Variants in ZSWIM9 observed in about 807,000 individuals in gnomAD.
The protein encoded by ZSWIM9 is uncharacterized protein ZSWIM9.
In ZSWIM9, 11 loss-of-function variants were observed where a neutral mutation model predicts 25.0. The ratio of observed to expected loss-of-function variants is 0.44; its 90% CI spans 0.28 to 0.73. The LOEUF is 0.73. Among genes scored for constraint, ZSWIM9 ranks in the 30% least tolerant of loss-of-function variants. The probability of loss-of-function intolerance (pLI) is 0.16; values close to 1 mark genes in which losing one functional copy is unlikely to be tolerated. For synonymous variants in ZSWIM9, 562 were observed against 582.1 expected (o/e 0.97, Z 0.50); for missense variants, 1,070 against 1,296.5 (o/e 0.83, Z 2.68).
intron 3 of ZSWIM9, among the ~76,000 whole-genome samples, chr19:48,187,234 A>C (rs1202968222): frequency 6.8e-6 from 1 of 147,690 alleles, no homozygotes; most frequent in Non-Finnish European, 1.5e-5. Context: ...AAAAGATGTA[A>C]TTGAGGTTCA....
intron 2 of ZSWIM9, among the ~76,000 whole-genome samples, chr19:48,177,530 G>A (rs1396797870): frequency 6.6e-6 from 1 of 152,188 alleles, no homozygotes; most frequent in African/African-American, 2.4e-5. Flanking sequence ...GACAGGTGGA[G>A]AGAAATTGGA....
rs1219439826 is a variant in ZSWIM9 at position 48,195,639 on chromosome 19, G to A, written c.1575G>A (p.Gly525=). Residue 525 remains glycine (G), a synonymous_variant, in exon 4 of 4, where the codon GGG becomes GGA. Transcript: ENST00000614654. The surrounding 1 kb of genome is among the most constrained non-coding windows in gnomAD (Gnocchi z 5.8). The stretch of plus-strand genomic sequence containing the variant: ...CACTGCAGATCAGAGATTGGAGAGG[G>A]GGTCGGTTGGAGAATCAGAAGCCGA... The part of the protein sequence containing the change: ...GRALQIRDWR[G]GRLENQKPRG... 1.1e-5 allele frequency: 15 copies of A among 1,425,354 alleles called. No individual in the cohort carries two copies. Among genetic ancestry groups the A allele is most frequent in the Non-Finnish European group, 1.4e-5 (15 of 1,096,202 alleles). The allele number at this position is 1,425,354 out of a possible 1,614,324, so 88.3% of individuals were successfully genotyped here.
At position 48,195,978 on chromosome 19, in the gene ZSWIM9, G is replaced by T; in HGVS notation, c.1914G>T (p.Gly638=). The change falls in exon 4 of 4, where the codon GGG becomes GGT. Residue 638 remains glycine, a synonymous_variant. Coordinates refer to ENST00000614654, the MANE Select transcript of ZSWIM9 (RefSeq NM_199341.4). This position sits in a 1 kb window ranked among gnomAD's most constrained non-coding sequence, Gnocchi z 5.8. ...RGAQLHDERA[G]GLRTAEWKGP... ...CGCAGCTGCACGATGAAAGGGCAGG[G>T]GGACTGAGAACTGCAGAATGGAAGG... The T allele has an allele frequency of 7.6e-7, 1 of 1,312,058 alleles. No homozygotes were observed. Among genetic ancestry groups the T allele is most frequent in the Non-Finnish European group, 9.7e-7 (1 of 1,034,612 alleles). The allele number at this position is 1,312,058 out of a possible 1,614,324, so 81.3% of individuals were successfully genotyped here. A position where few individuals can be genotyped will look rare whatever the true frequency, so the allele number is the denominator to read the frequency against.
intron 3 of ZSWIM9, among the ~76,000 whole-genome samples, chr19:48,192,664 G>A (rs1233808897): frequency 6.6e-6 from 1 of 150,782 alleles, no homozygotes; most frequent in Non-Finnish European, 1.5e-5. Flanking sequence ...TTAGCGCAGT[G>A]GCCTTGGGCA....
intron 3 of ZSWIM9, among the ~76,000 whole-genome samples, chr19:48,183,562 A>G (rs1313538819): frequency 6.6e-6 from 1 of 152,098 alleles, no homozygotes; most frequent in African/African-American, 2.4e-5. Flanking sequence ...AATATGATGT[A>G]ACATCACTAG....
chr19:48,171,410 T>C, intron 1 of ZSWIM9: 1 of 984,222 alleles, frequency 1.0e-6, no homozygotes, highest in Non-Finnish European at 1.2e-6. Context: ...GAGACACAGC[T>C]GGAAGGGGAG....
intron 3 of ZSWIM9, among the ~76,000 whole-genome samples, chr19:48,188,670 C>T (rs936078098): frequency 2.6e-5 from 4 of 152,116 alleles, no homozygotes; most frequent in African/African-American, 9.7e-5. Context: ...AACGTTGCAG[C>T]GTTCTCTTAC....
In ZSWIM9 at chr19:48,194,102, A is replaced by T. The variant is rs1449043379; in HGVS notation, c.589-551A>T. Among the ~76,000 whole-genome samples the T allele has an allele frequency of 6.6e-6, 1 of 152,154 alleles. No individual in the cohort carries two copies. Among genetic ancestry groups the T allele is most frequent in the Non-Finnish European group, 1.5e-5 (1 of 68,024 alleles). Reference sequence around the variant, plus strand: ...TGGGGGTGGGACTCAAAGCTAAATGATCTGCCTCCACAATCTAAGCTCATT... The same window carrying T: ...TGGGGGTGGGACTCAAAGCTAAATGTTCTGCCTCCACAATCTAAGCTCATT... On this transcript the variant is annotated intron_variant, in intron 3 of 3. Transcript: ENST00000614654. This position sits in a 1 kb window ranked among gnomAD's most constrained non-coding sequence, Gnocchi z 6.0.
Position 48,195,003 on chromosome 19 carries a change from C to T in ZSWIM9, c.939C>T (p.Arg313=). Reference sequence around the variant, plus strand: ...TGCGCCAGCTGCTGCCCTGCGCGCGCGTGCAGATCTGCCGCGCGCAGGGCC... The same window carrying T: ...TGCGCCAGCTGCTGCCCTGCGCGCGTGTGCAGATCTGCCGCGCGCAGGGCC... ...PAVRQLLPCA[R]VQICRAQGLE... Residue 313 remains arginine (R), a synonymous_variant, in exon 4 of 4, where the codon CGC becomes CGT. Transcript: ENST00000614654. This position sits in a 1 kb window ranked among gnomAD's most constrained non-coding sequence, Gnocchi z 5.8. 2 of 1,349,584 alleles carry T rather than the reference C, an allele frequency of 1.5e-6. No homozygotes were observed. The highest frequency in any genetic ancestry group is 3.1e-5 in the South Asian group (2 of 64,450). 83.6% of individuals were successfully genotyped at this position (1,349,584 alleles called of 1,614,324 possible).
chr19:48,191,092 A>ATGTG (rs940221946), intron 3 of ZSWIM9, among the ~76,000 whole-genome samples: 178 of 96,526 alleles, frequency 1.8e-3, no homozygotes, highest in African/African-American at 4.4e-3. Flanking sequence ...GTGTATGTGT[A>ATGTG]TGTGTGTGTG....
Position 48,195,240 on chromosome 19 carries a change from C to A in ZSWIM9, c.1176C>A (p.Arg392=), listed in dbSNP as rs966650864. The change falls in exon 4 of 4, where the codon CGC becomes CGA. Residue 392 remains arginine (R), a synonymous_variant. Coordinates refer to ENST00000614654, the MANE Select transcript of ZSWIM9 (RefSeq NM_199341.4). This position sits in a 1 kb window ranked among gnomAD's most constrained non-coding sequence, Gnocchi z 5.8. ...GCCGCGACATGTGGGTCCGCTTCCG[C>A]GCCTTCGAGGCGGCCAGAGACCTGG... The part of the protein sequence containing the change: ...EPRRDMWVRF[R]AFEAARDLDA... 5.2e-5 allele frequency: 80 copies of A among 1,529,082 alleles called. No individual in the cohort carries two copies. The highest frequency in any genetic ancestry group is 6.7e-5 in the Non-Finnish European group (77 of 1,143,160). 94.7% of individuals were successfully genotyped at this position (1,529,082 alleles called of 1,614,324 possible). A position where few individuals can be genotyped will look rare whatever the true frequency, so the allele number is the denominator to read the frequency against.
At chr19:48,192,478 A>AGT (rs1209593378) in intron 3 of ZSWIM9, among the ~76,000 whole-genome samples, 2 of 21,434 alleles carry the variant, frequency 9.3e-5, no homozygotes, top group African/African-American at 2.8e-4. Context: ...AAAAAAAAAA[A>AGT]AAATATATAT....
intron 3 of ZSWIM9, chr19:48,189,512 G>A (rs559424537): frequency 7.2e-5 from 11 of 153,622 alleles, no homozygotes; most frequent in African/African-American, 2.7e-4. Flanking sequence ...AGCTTGCAGC[G>A]AGCCAAGATC....
chr19:48,197,490 G>A lies in ZSWIM9; in HGVS notation c.*663G>A, dbSNP rs1045038210. The A allele has an allele frequency of 3.5e-6, 2 of 572,114 alleles. No homozygotes were observed. The highest frequency in any genetic ancestry group is 6.2e-6 in the Non-Finnish European group (2 of 321,326). The allele number at this position is 572,114 out of a possible 1,614,324, so 35.4% of individuals were successfully genotyped here. A position where few individuals can be genotyped will look rare whatever the true frequency, so the allele number is the denominator to read the frequency against. ...TTTTGGTTTTTCTCCAAGACCTGGA[G>A]ACATCGACCCCCATCGCCTTCTGAA... On this transcript the variant is annotated 3_prime_UTR_variant, in exon 4 of 4. Transcript: ENST00000614654.
chr19:48,171,377 A>G (rs2036804456), intron 1 of ZSWIM9: 11 of 985,298 alleles, frequency 1.1e-5, no homozygotes, highest in Non-Finnish European at 1.3e-5. Context: ...TGAATACGAG[A>G]GTTAGAAGTT....
intron 3 of ZSWIM9, among the ~76,000 whole-genome samples, chr19:48,192,314 G>A (rs1430798870): frequency 1.3e-5 from 2 of 150,102 alleles, no homozygotes; most frequent in African/African-American, 4.9e-5. Flanking sequence ...GCCAGGCGTG[G>A]TGGCGGGCAC....
At chr19:48,190,194 A>C (rs1345937489) in intron 3 of ZSWIM9, among the ~76,000 whole-genome samples, 2 of 138,280 alleles carry the variant, frequency 1.4e-5, no homozygotes, top group Non-Finnish European at 3.2e-5. Flanking sequence ...ACAGATTGAG[A>C]CTCCATCTCA....
In ZSWIM9 at chr19:48,195,703, G is replaced by C; in HGVS notation, c.1639G>C (p.Glu547Gln). 6.8e-7 allele frequency: 1 copy of C among 1,466,480 alleles called. No individual in the cohort carries two copies. Among genetic ancestry groups the C allele is most frequent in the Admixed American group, 2.6e-5 (1 of 39,190 alleles). 90.8% of individuals were successfully genotyped at this position (1,466,480 alleles called of 1,614,324 possible). ...EGGVLRGSKL[E>Q]KGHLRGPEIR... ...GGGTGTCTTGAGAGGGTCGAAGTTA[G>C]AGAAAGGGCACCTGAGAGGGCCAGA... is the stretch of plus-strand genomic sequence containing the variant. Residue 547 changes from glutamate to glutamine, a missense_variant, in exon 4 of 4, where the codon GAG becomes CAG. Glu to Gln is a conservative substitution (Grantham distance 29). Transcript: ENST00000614654. The surrounding 1 kb of genome is among the most constrained non-coding windows in gnomAD (Gnocchi z 5.8).
chr19:48,176,749 C>T (rs1355132470), intron 2 of ZSWIM9, among the ~76,000 whole-genome samples: 1 of 151,914 alleles, frequency 6.6e-6, no homozygotes, highest in East Asian at 1.9e-4. Context: ...CTGTGGGGAG[C>T]GTACATTACA....
Sources: gnomAD v4.1 joint callset for allele counts (sites outside exome capture counted in the v4.1 genomes callset) on GRCh38, gnomAD v4.1.1 for gene constraint, Gnocchi (gnomAD v3.1) non-coding constraint, MANE v1.5 for transcripts, NCBI Gene and HGNC (gene_info 2026-07-23, HGNC 2026-07-21) for gene names.